The following CD226 variants were observed in gnomAD, a reference collection of about 807,000 sequenced individuals.
CD226 encodes the protein CD226 antigen.
Under a neutral mutation model 34.9 loss-of-function variants are expected in CD226, and 24 were observed. The ratio of observed to expected loss-of-function variants is 0.69; its 90% CI spans 0.50 to 0.97. The LOEUF (loss-of-function observed/expected upper bound fraction) is 0.97, where lower values mean the gene tolerates loss of function less well. Among genes scored for constraint, CD226 ranks in the 50% least tolerant of loss-of-function variants. CD226 has a pLI of 0.00. For synonymous variants in CD226, 148 were observed against 147.4 expected (o/e 1.00, Z -0.03); for missense variants, 397 against 412.7 (o/e 0.96, Z 0.33).
chr18:69,914,956 G>T (rs1337977408), intron 2 of CD226, among the ~76,000 whole-genome samples: 1 of 152,160 alleles, frequency 6.6e-6, no homozygotes, highest in Non-Finnish European at 1.5e-5. Context: ...ATTTTACTTT[G>T]AAGTATTAGA....
intron 2 of CD226, among the ~76,000 whole-genome samples, chr18:69,938,658 A>G (rs1286737064): frequency 6.6e-6 from 1 of 152,242 alleles, no homozygotes; most frequent in Non-Finnish European, 1.5e-5. Flanking sequence ...TCCTTGGATC[A>G]TAAAAATTTG....
intron 2 of CD226, among the ~76,000 whole-genome samples, chr18:69,922,107 G>A (rs1299047357): frequency 1.3e-5 from 2 of 152,032 alleles, no homozygotes; most frequent in East Asian, 3.9e-4. Flanking sequence ...TAAACATGCA[G>A]GAGGTTTTTC....
At chr18:69,897,703 GAAGGA>G (rs1338351254) in intron 2 of CD226, among the ~76,000 whole-genome samples, 1 of 152,174 alleles carries the variant, frequency 6.6e-6, no homozygotes, top group African/African-American at 2.4e-5. Flanking sequence ...AAGAAAAAAG[GAAGGA>G]AAGGAGACAG....
chr18:69,878,742 C>A (rs1788242), intron 3 of CD226, among the ~76,000 whole-genome samples: 4 of 151,950 alleles, frequency 2.6e-5, no homozygotes, highest in African/African-American at 9.7e-5. Context: ...TGGTTTTCGC[C>A]GCCATCATGG....
intron 2 of CD226, among the ~76,000 whole-genome samples, chr18:69,935,435 G>A (rs775021734): frequency 8.5e-5 from 13 of 152,180 alleles, no homozygotes; most frequent in Non-Finnish European, 1.5e-4. Flanking sequence ...AGCCGAGATG[G>A]TCTGAGGAGG....
intron 2 of CD226, among the ~76,000 whole-genome samples, chr18:69,921,311 C>G (rs1245654824): frequency 6.6e-6 from 1 of 152,166 alleles, no homozygotes; most frequent in East Asian, 1.9e-4. Context: ...ATGCCCCGTG[C>G]AGGTTGTTCT....
chr18:69,947,125 A>G (rs2055803845), intron 1 of CD226, 56 bp from the exon 2 acceptor site: 1 of 1,423,642 alleles, frequency 7.0e-7, no homozygotes, highest in South Asian at 1.2e-5. Context: ...ACACCAAATC[A>G]ATATCTTAAG....
At chr18:69,864,477 TG>T in intron 5 of CD226, 38 bp from the exon 6 acceptor site, 1 of 1,602,424 alleles carries the variant, frequency 6.2e-7, no homozygotes, top group Non-Finnish European at 8.5e-7. Context: ...AATAATTCAC[TG>T]CATTTCAACA....
chr18:69,907,426 G>A (rs2055268854), intron 2 of CD226, among the ~76,000 whole-genome samples: 1 of 152,170 alleles, frequency 6.6e-6, no homozygotes, highest in Non-Finnish European at 1.5e-5. Context: ...TGCTGCCTCA[G>A]CCTCCCGAGT....
chr18:69,951,890 G>T (rs910234933), upstream of CD226, among the ~76,000 whole-genome samples: 6 of 152,148 alleles, frequency 3.9e-5, no homozygotes, highest in African/African-American at 1.4e-4. Context: ...ACTAAAAATA[G>T]AATTACCATT....
chr18:69,950,129 C>T (rs1012656688), upstream of CD226, among the ~76,000 whole-genome samples: 3 of 151,348 alleles, frequency 2.0e-5, no homozygotes, highest in Non-Finnish European at 4.4e-5. Context: ...TATGCACACA[C>T]AATCTCACAC....
At chr18:69,916,523 A>G (rs1212419700) in intron 2 of CD226, among the ~76,000 whole-genome samples, 6 of 152,224 alleles carry the variant, frequency 3.9e-5, no homozygotes, top group Admixed American at 3.3e-4. Context: ...TATCATCTCA[A>G]CAAGAAACAA....
At chr18:69,894,916 A>C (rs1016774278) in intron 3 of CD226, among the ~76,000 whole-genome samples, 5 of 151,996 alleles carry the variant, frequency 3.3e-5, no homozygotes, top group African/African-American at 1.2e-4. Flanking sequence ...ACACAATGAA[A>C]GGCTTCATTG....
At chr18:69,954,257 C>G (rs922205758) in intron 1 of CD226, among the ~76,000 whole-genome samples, 6 of 152,102 alleles carry the variant, frequency 3.9e-5, no homozygotes, top group African/African-American at 1.4e-4. Context: ...ATAGTACAGT[C>G]TAAGCATAGA....
In CD226 at chr18:69,863,508, T is replaced by C. The variant is rs1330027233; in HGVS notation, c.*806A>G. The C allele has an allele frequency of 2.0e-5, 3 of 152,172 alleles. No homozygotes were observed. Among genetic ancestry groups the C allele is most frequent in the South Asian group, 4.1e-4 (2 of 4,828 alleles). 9.4% of individuals were successfully genotyped at this position (152,172 alleles called of 1,614,324 possible). The stretch of plus-strand genomic sequence containing the variant: ...CATTTATCTTCCTCTTGAATATTCA[T>C]TTCTTCTACTGCCAGGTATTCTTCT... On this transcript the variant is annotated 3_prime_UTR_variant, in exon 6 of 6. Coordinates refer to ENST00000582621, the MANE Select transcript of CD226 (RefSeq NM_001303618.2).
At chr18:69,949,656 G>A (rs1231062371), upstream of CD226, among the ~76,000 whole-genome samples, 2 of 151,802 alleles carry the variant, frequency 1.3e-5, no homozygotes, top group East Asian at 3.9e-4. Flanking sequence ...CACACATGCT[G>A]TCTCCCAAAC....
intron 2 of CD226, among the ~76,000 whole-genome samples, chr18:69,945,212 T>A (rs1016007071): frequency 1.1e-4 from 17 of 152,186 alleles, no homozygotes; most frequent in Admixed American, 8.5e-4. Context: ...GCATAGGAAA[T>A]AATAAGATGT....
At chr18:69,939,665 A>G (rs1476921592) in intron 2 of CD226, among the ~76,000 whole-genome samples, 2 of 152,246 alleles carry the variant, frequency 1.3e-5, no homozygotes, top group African/African-American at 2.4e-5. Context: ...AGCTAATGCC[A>G]TATCATTTTC....
chr18:69,899,205 G>C (rs1329336062), intron 2 of CD226, among the ~76,000 whole-genome samples: 1 of 152,124 alleles, frequency 6.6e-6, no homozygotes, highest in Non-Finnish European at 1.5e-5. Context: ...AAACATTGCT[G>C]GGTACATCTT....
Sources: gnomAD v4.1 joint callset for allele counts (sites outside exome capture counted in the v4.1 genomes callset) on GRCh38, gnomAD v4.1.1 for gene constraint, MANE v1.5 for transcripts, NCBI Gene and HGNC (gene_info 2026-07-23, HGNC 2026-07-21) for gene names.